RBFOX1: variants seen among roughly 807,000 people sequenced by gnomAD.
The protein encoded by RBFOX1 is RNA binding fox-1 homolog 1, also known as RNA binding protein fox-1 homolog 1.
Under a neutral mutation model 57.7 loss-of-function variants are expected in RBFOX1, and 8 were observed. The observed-to-expected ratio is 0.14, with a 90% CI of 0.08 to 0.25. RBFOX1 has a LOEUF of 0.25. Among genes scored for constraint, RBFOX1 ranks in the 10% least tolerant of loss-of-function variants. The pLI, the probability that RBFOX1 is intolerant of heterozygous loss-of-function variation, is 1.00. For missense variants in RBFOX1, 611 were observed against 548.5 expected (o/e 1.11, Z -1.14); for synonymous variants, 326 against 222.4 (o/e 1.47, Z -4.15).
At chr16:6,722,975 G>T (rs532618803) in intron 3 of RBFOX1, among the ~76,000 whole-genome samples, 2 of 152,256 alleles carry the variant, frequency 1.3e-5, no homozygotes, top group Admixed American at 1.3e-4. Context: ...GCAAGTGATG[G>T]TATTTGACAC....
intron 3 of RBFOX1, among the ~76,000 whole-genome samples, chr16:6,813,792 A>G (rs1347839724): frequency 6.6e-6 from 1 of 152,218 alleles, no homozygotes; most frequent in East Asian, 1.9e-4. Flanking sequence ...AGAGATGCGG[A>G]GGATTCCTGA....
intron 1 of RBFOX1, among the ~76,000 whole-genome samples, chr16:6,293,480 G>A (rs2077689631): frequency 6.6e-6 from 1 of 152,022 alleles, no homozygotes; most frequent in African/African-American, 2.4e-5. Flanking sequence ...TGCATAGCCT[G>A]TCTGCCAGGT....
intron 2 of RBFOX1, among the ~76,000 whole-genome samples, chr16:6,571,948 A>G (rs2097350537): frequency 6.6e-6 from 1 of 152,208 alleles, no homozygotes; most frequent in Non-Finnish European, 1.5e-5. Context: ...CATTTTATAT[A>G]CAGTTGTACT....
At chr16:6,603,784 G>A (rs2097887204) in intron 2 of RBFOX1, among the ~76,000 whole-genome samples, 1 of 152,130 alleles carries the variant, frequency 6.6e-6, no homozygotes, top group Admixed American at 6.5e-5. Flanking sequence ...CTGAATCATT[G>A]GCTGCCTTTT....
At chr16:7,280,140 G>A (rs577286566) in intron 4 of RBFOX1, among the ~76,000 whole-genome samples, 1 of 152,346 alleles carries the variant, frequency 6.6e-6, no homozygotes, top group African/African-American at 2.4e-5. Context: ...TGACCACAGA[G>A]TCTTGGTTCT....
intron 1 of RBFOX1, among the ~76,000 whole-genome samples, chr16:5,461,467 A>G (rs1055619533): frequency 6.6e-6 from 1 of 152,164 alleles, no homozygotes; most frequent in Non-Finnish European, 1.5e-5. Flanking sequence ...ACTGTTCAGA[A>G]CTAAAACTTT....
intron 2 of RBFOX1, among the ~76,000 whole-genome samples, chr16:6,518,259 C>G (rs1010903747): frequency 2.0e-5 from 3 of 152,170 alleles, no homozygotes; most frequent in East Asian, 1.9e-4. Context: ...ATTTAAGAAA[C>G]AAACATTAGT....
intron 2 of RBFOX1, among the ~76,000 whole-genome samples, chr16:6,421,056 C>G (rs540345156): frequency 1.3e-5 from 2 of 152,166 alleles, no homozygotes; most frequent in Non-Finnish European, 2.9e-5. Flanking sequence ...CAATAGAAGA[C>G]ATAATTTAGA....
chr16:7,006,160 A>AT (rs960282591), intron 3 of RBFOX1, among the ~76,000 whole-genome samples: 16 of 150,714 alleles, frequency 1.1e-4, no homozygotes, highest in African/African-American at 3.0e-4. Context: ...TTATTTATTT[A>AT]TTTTTTTTTG....
At chr16:5,956,187 G>C (rs1210538275) in intron 4 of RBFOX1, among the ~76,000 whole-genome samples, 2 of 152,048 alleles carry the variant, frequency 1.3e-5, no homozygotes, top group African/African-American at 2.4e-5. Context: ...GAGGCACGAG[G>C]ATTGCTTGAA....
intron 1 of RBFOX1, among the ~76,000 whole-genome samples, chr16:5,291,336 C>G (rs1386876509): frequency 6.9e-6 from 1 of 145,282 alleles, no homozygotes; most frequent in Non-Finnish European, 1.5e-5. Context: ...GATCTCTGCT[C>G]ACTGCAAGCT....
chr16:6,261,420 A>G (rs925702807), intron 1 of RBFOX1, among the ~76,000 whole-genome samples: 2 of 152,202 alleles, frequency 1.3e-5, no homozygotes, highest in African/African-American at 4.8e-5. Flanking sequence ...TGGCTGTTCC[A>G]GCCTCTCCCA....
intron 1 of RBFOX1, among the ~76,000 whole-genome samples, chr16:6,226,652 A>G (rs978506492): frequency 6.6e-6 from 1 of 152,108 alleles, no homozygotes; most frequent in South Asian, 2.1e-4. Flanking sequence ...CTCCAAGAGC[A>G]TTTTCTCCCC....
In RBFOX1 at chr16:6,029,772, C is replaced by CAAAA. The variant is rs57851398; in HGVS notation, c.-127+9796_-127+9799dup. Among the ~76,000 whole-genome samples, 88 of 102,072 alleles carry CAAAA rather than the reference C, an allele frequency of 8.6e-4. 3 individuals carry two copies. Among genetic ancestry groups the CAAAA allele is most frequent in the African/African-American group, 2.7e-3 (67 of 25,186 alleles). The allele number at this position is 102,072 out of a possible 152,430, so 67.0% of individuals were successfully genotyped here. ...TGGGCGACAGATCGAGACTCCGTCTCAAAAAAAAAAAAAAAAAAAGGGGAA... is the reference window on the plus strand; with the variant it reads ...TGGGCGACAGATCGAGACTCCGTCTCAAAAAAAAAAAAAAAAAAAAAAAGGGGAA... On this transcript the variant is annotated intron_variant, in intron 1 of 15. Transcript: ENST00000550418.
chr16:6,557,470 C>T (rs939207226), intron 2 of RBFOX1, among the ~76,000 whole-genome samples: 1 of 152,142 alleles, frequency 6.6e-6, no homozygotes, highest in African/African-American at 2.4e-5. Flanking sequence ...ACATTGTCAT[C>T]TGTCTTGTGA....
At chr16:5,597,600 A>G (rs1021489008) in intron 2 of RBFOX1, among the ~76,000 whole-genome samples, 4 of 151,862 alleles carry the variant, frequency 2.6e-5, no homozygotes, top group Admixed American at 6.6e-5. Context: ...GTGTTTCACC[A>G]TGTTGGCCAG....
chr16:6,458,769 C>G (rs1935397), intron 2 of RBFOX1, among the ~76,000 whole-genome samples: 1 of 152,050 alleles, frequency 6.6e-6, no homozygotes, highest in Non-Finnish European at 1.5e-5. Context: ...TACAGATATA[C>G]GACAGAGTTG....
chr16:5,602,902 A>G (rs2047412927), downstream of RBFOX1, among the ~76,000 whole-genome samples: 1 of 152,230 alleles, frequency 6.6e-6, no homozygotes, highest in Non-Finnish European at 1.5e-5. Context: ...GTTTTCCAGG[A>G]GAGCTGACGG....
chr16:6,975,169 G>C lies in RBFOX1; in HGVS notation c.-15-76888G>C, dbSNP rs188061701. ...TCCTGGACTAGCTCTGTGGGTTCCT[G>C]TGATGGTACTGAGGTAAAGAGAGTG... On this transcript the variant is annotated intron_variant, in intron 3 of 15. Transcript: ENST00000550418. 2.0e-5 allele frequency among the ~76,000 whole-genome samples: 3 copies of C among 152,278 alleles called. No homozygotes were observed. In the East Asian group the frequency reaches 5.8e-4, roughly 29 times the overall value.
Sources: gnomAD v4.1 joint callset for allele counts (sites outside exome capture counted in the v4.1 genomes callset) on GRCh38, gnomAD v4.1.1 for gene constraint, MANE v1.5 for transcripts, NCBI Gene and HGNC (gene_info 2026-07-23, HGNC 2026-07-21) for gene names.